FAM227B: variants seen among roughly 807,000 people sequenced by gnomAD.
The protein encoded by FAM227B is family with sequence similarity 227 member B.
A neutral mutation model predicts 73.8 loss-of-function variants in FAM227B; 88 were observed. The observed-to-expected ratio is 1.19, with a 90% CI of 1.00 to 1.42. The LOEUF is 1.42. Ranked by LOEUF, FAM227B falls within the 40% of genes most tolerant of loss-of-function variation. The probability of loss-of-function intolerance (pLI) is 0.00; values close to 1 mark genes in which losing one functional copy is unlikely to be tolerated. For missense variants in FAM227B, 632 were observed against 590.9 expected (o/e 1.07, Z -0.72); for synonymous variants, 210 against 190.5 (o/e 1.10, Z -0.84).
intron 9 of FAM227B, among the ~76,000 whole-genome samples, chr15:49,555,135 A>G (rs1468418260): frequency 6.6e-6 from 1 of 152,176 alleles, no homozygotes; most frequent in Non-Finnish European, 1.5e-5. Context: ...TTAGCTGGTT[A>G]TTATGCAGAC....
chr15:49,571,995 C>G (rs944342216), intron 8 of FAM227B, among the ~76,000 whole-genome samples: 2 of 151,868 alleles, frequency 1.3e-5, no homozygotes, highest in Admixed American at 1.3e-4. Context: ...GGATATCTTT[C>G]CATTTATTTG....
At chr15:49,347,816 C>T (rs926589223) in intron 13 of FAM227B, among the ~76,000 whole-genome samples, 1 of 151,932 alleles carries the variant, frequency 6.6e-6, no homozygotes, top group African/African-American at 2.4e-5. Context: ...GTCAGGAGTT[C>T]AAGACCAGCC....
intron 11 of FAM227B, among the ~76,000 whole-genome samples, chr15:49,490,801 A>G (rs1209952972): frequency 6.6e-6 from 1 of 151,998 alleles, no homozygotes. Context: ...TAATCAACCA[A>G]TTAATAGATA....
At chr15:49,405,617 C>G (rs1230036154) in intron 11 of FAM227B, among the ~76,000 whole-genome samples, 2 of 152,126 alleles carry the variant, frequency 1.3e-5, no homozygotes, top group East Asian at 3.9e-4. Context: ...TGATTATGTT[C>G]CTTTCTATAG....
At chr15:49,350,530 A>G (rs2042089468) in intron 13 of FAM227B, among the ~76,000 whole-genome samples, 1 of 152,182 alleles carries the variant, frequency 6.6e-6, no homozygotes, top group Non-Finnish European at 1.5e-5. Flanking sequence ...GGTTATAAGA[A>G]TAGTGGGGGA....
At chr15:49,489,322 A>G in intron 11 of FAM227B, 1 of 978,904 alleles carries the variant, frequency 1.0e-6, no homozygotes, top group Non-Finnish European at 1.2e-6. Flanking sequence ...TCAGAGAAAG[A>G]GATGAAATAT....
At chr15:49,535,630 A>T (rs1038243030) in intron 10 of FAM227B, among the ~76,000 whole-genome samples, 2 of 151,908 alleles carry the variant, frequency 1.3e-5, no homozygotes, top group Non-Finnish European at 2.9e-5. Context: ...CTACAGGTCA[A>T]TTTCTCTGAT....
intron 11 of FAM227B, among the ~76,000 whole-genome samples, chr15:49,474,500 A>G (rs1202831426): frequency 6.6e-6 from 1 of 152,222 alleles, no homozygotes; most frequent in Non-Finnish European, 1.5e-5. Flanking sequence ...ACAGACAGGT[A>G]AATCAATGGG....
chr15:49,366,223 A>G (rs2045155115), intron 13 of FAM227B: 6 of 789,058 alleles, frequency 7.6e-6, no homozygotes, highest in Non-Finnish European at 1.4e-5. Flanking sequence ...CAGTAATGTT[A>G]TTTCCTAGAG....
chr15:49,437,692 T>C (rs2051234370), intron 11 of FAM227B, among the ~76,000 whole-genome samples: 1 of 151,730 alleles, frequency 6.6e-6, no homozygotes, highest in African/African-American at 2.4e-5. Context: ...GCAATTAGAA[T>C]ACTATTTATT....
intron 11 of FAM227B, among the ~76,000 whole-genome samples, chr15:49,428,598 G>T (rs2050325234): frequency 6.6e-6 from 1 of 151,966 alleles, no homozygotes; most frequent in African/African-American, 2.4e-5. Context: ...GGTGCCGAGT[G>T]AGAGAAAGCA....
Position 49,587,815 on chromosome 15 carries a change from T to G in FAM227B, c.405+201A>C, listed in dbSNP as rs569181192. Among the ~76,000 whole-genome samples, 15 of 152,210 alleles carry G rather than the reference T, an allele frequency of 9.9e-5. No homozygotes were observed. In the South Asian group the frequency reaches 2.5e-3, roughly 25 times the overall value. On this transcript the variant is annotated intron_variant, in intron 5 of 15. Transcript: ENST00000299338. The stretch of plus-strand genomic sequence containing the variant: ...TAAGTCTTCAAATAACTTGTAGTTA[T>G]GTGAAGATGCCAATACTCAGTAATA...
chr15:49,422,032 A>T (rs755780632), intron 11 of FAM227B, among the ~76,000 whole-genome samples: 6 of 152,188 alleles, frequency 3.9e-5, no homozygotes, highest in Non-Finnish European at 8.8e-5. Flanking sequence ...GAGAAATCAC[A>T]TAAACTATAA....
At chr15:49,607,121 T>C (rs2077569694) in intron 3 of FAM227B, among the ~76,000 whole-genome samples, 1 of 152,184 alleles carries the variant, frequency 6.6e-6, no homozygotes, top group African/African-American at 2.4e-5. Context: ...CATCTCCTTT[T>C]TTCTTCCTTT....
chr15:49,357,262 C>CA (rs2043313382), intron 13 of FAM227B, among the ~76,000 whole-genome samples: 1 of 149,916 alleles, frequency 6.7e-6, no homozygotes, highest in South Asian at 2.1e-4. Context: ...AATAGAGACA[C>CA]AAAAAACCCT....
At chr15:49,366,324 A>G in intron 13 of FAM227B, 1 of 786,990 alleles carries the variant, frequency 1.3e-6, no homozygotes, top group East Asian at 2.4e-5. Context: ...GAGGTAGGAA[A>G]TAGGATACTG....
At chr15:49,362,222 T>C (rs1031771267) in intron 13 of FAM227B, among the ~76,000 whole-genome samples, 5 of 152,144 alleles carry the variant, frequency 3.3e-5, no homozygotes, top group Non-Finnish European at 5.9e-5. Flanking sequence ...GATTGGATCA[T>C]GGGAGTGGAT....
At chr15:49,588,145 A>G in intron 4 of FAM227B, 62 bp from the exon 5 acceptor site, 1 of 1,010,530 alleles carries the variant, frequency 9.9e-7, no homozygotes, top group Non-Finnish European at 1.3e-6. Flanking sequence ...CTAAAAATAA[A>G]CAAAATTTTA....
At chr15:49,470,596 T>C (rs1362842681) in intron 11 of FAM227B, among the ~76,000 whole-genome samples, 1 of 152,206 alleles carries the variant, frequency 6.6e-6, no homozygotes, top group Non-Finnish European at 1.5e-5. Context: ...GACCTGTGTT[T>C]GAAATGATAT....
Sources: allele counts gnomAD v4.1 joint callset (sites outside exome capture counted in the v4.1 genomes callset), GRCh38; gene constraint gnomAD v4.1.1; transcripts MANE v1.5; gene names NCBI Gene and HGNC (gene_info 2026-07-23, HGNC 2026-07-21).